The following CRMP1 variants were observed in gnomAD, a reference collection of about 807,000 sequenced individuals.
The protein encoded by CRMP1 is collapsin response mediator protein 1.
A neutral mutation model predicts 68.3 loss-of-function variants in CRMP1; 19 were observed. That is an observed-to-expected ratio of 0.28 (90% CI 0.19 to 0.41). The LOEUF (loss-of-function observed/expected upper bound fraction) is 0.41, where lower values mean the gene tolerates loss of function less well. CRMP1 is among the 10% of genes least tolerant of loss of function. The pLI, the probability that CRMP1 is intolerant of heterozygous loss-of-function variation, is 1.00. For missense variants in CRMP1, 791 were observed against 967.4 expected, an observed-to-expected ratio of 0.82 and a Z score of 2.42; for synonymous variants, 439 against 399.6, an observed-to-expected ratio of 1.10 and a Z score of -1.18.
chr4:5,865,432 C>T lies in CRMP1; in HGVS notation c.470+1236G>A, dbSNP rs570447551. Among the ~76,000 whole-genome samples, 2 of 152,030 alleles carry T rather than the reference C, an allele frequency of 1.3e-5. No individual in the cohort carries two copies. Among genetic ancestry groups the T allele is most frequent in the African/African-American group, 4.8e-5 (2 of 41,446 alleles). ...GTCAGGAGATCGAGACCATCCTGGC[C>T]AACATGGTGAAACCCCCGTCTCTAC... On this transcript the variant is annotated intron_variant, in intron 2 of 13. Transcript: ENST00000324989. This position sits in a 1 kb window ranked among gnomAD's most constrained non-coding sequence, Gnocchi z 4.1.
chr4:5,831,821 T>G (rs1577748219), intron 11 of CRMP1, among the ~76,000 whole-genome samples: 1 of 152,152 alleles, frequency 6.6e-6, no homozygotes, highest in African/African-American at 2.4e-5. Context: ...ATGTAAAAAT[T>G]TAAACAACAC....
chr4:5,864,399 A>AT (rs1185358859), intron 2 of CRMP1, among the ~76,000 whole-genome samples: 2 of 152,134 alleles, frequency 1.3e-5, no homozygotes, highest in Admixed American at 6.5e-5. Flanking sequence ...AGAAAACCTC[A>AT]TTTTTTGACA....
rs1713986619 is a variant in CRMP1, at chr4:5,866,179, T to C, written c.470+489A>G. Among the ~76,000 whole-genome samples the C allele has an allele frequency of 6.6e-6, 1 of 152,192 alleles. No homozygotes were observed. Among genetic ancestry groups the C allele is most frequent in the Admixed American group, 6.5e-5 (1 of 15,278 alleles). The stretch of plus-strand genomic sequence containing the variant: ...CTCCAGCCCCAATGTCTATCTTTTC[T>C]TTAAGTGCCAAGGCTGGGCTTGGAA... On this transcript the variant is annotated intron_variant, in intron 2 of 13. Transcript: ENST00000324989. This position sits in a 1 kb window ranked among gnomAD's most constrained non-coding sequence, Gnocchi z 5.9.
At chr4:5,875,026 C>T (rs1328960738) in intron 1 of CRMP1, among the ~76,000 whole-genome samples, 1 of 152,370 alleles carries the variant, frequency 6.6e-6, no homozygotes. Flanking sequence ...AGGGATTCTT[C>T]TCCAAACCTA....
In CRMP1 at chr4:5,870,241, A is replaced by C. The variant is rs1714345457; in HGVS notation, c.382-3485T>G. 6.6e-6 allele frequency among the ~76,000 whole-genome samples: 1 copy of C among 152,206 alleles called. No individual in the cohort carries two copies. The highest frequency in any genetic ancestry group is 2.4e-5 in the African/African-American group (1 of 41,462). On this transcript the variant is annotated intron_variant, in intron 1 of 13. Transcript: ENST00000324989. This position sits in a 1 kb window ranked among gnomAD's most constrained non-coding sequence, Gnocchi z 6.0. ...CTCGACTTCCCCTGTTTGGGACAACACACACCACCACCCTGCCAGCTGGCC... is the reference window on the plus strand; with the variant it reads ...CTCGACTTCCCCTGTTTGGGACAACCCACACCACCACCCTGCCAGCTGGCC...
chr4:5,868,263 A>ATCTATATATCTATC (rs1329749936), intron 1 of CRMP1, among the ~76,000 whole-genome samples: 1 of 8,088 alleles, frequency 1.2e-4, no homozygotes, highest in Non-Finnish European at 3.4e-4. Flanking sequence ...CTATATATCT[A>ATCTATATATCTATC]TATATATATA....
At chr4:5,852,562 T>C (rs1197915094) in intron 4 of CRMP1, among the ~76,000 whole-genome samples, 1 of 152,248 alleles carries the variant, frequency 6.6e-6, no homozygotes, top group Non-Finnish European at 1.5e-5. Context: ...GAGCCTGCTG[T>C]ATGCTGGGCA....
chr4:5,840,469 G>A (rs992148675), intron 8 of CRMP1, among the ~76,000 whole-genome samples: 19 of 152,206 alleles, frequency 1.2e-4, no homozygotes, highest in African/African-American at 4.1e-4. Flanking sequence ...CCCAGTAGGA[G>A]AGGCAGCTGC....
intron 11 of CRMP1, among the ~76,000 whole-genome samples, chr4:5,829,048 T>G (rs1250930087): frequency 3.3e-5 from 5 of 150,544 alleles, no homozygotes. Flanking sequence ...TCTAGGTTTC[T>G]AAAATCAAAT....
Position 5,834,279 on chromosome 4 carries a change from G to A in CRMP1, c.1623+1636C>T, listed in dbSNP as rs752584394. 2.0e-5 allele frequency among the ~76,000 whole-genome samples: 3 copies of A among 152,158 alleles called. No homozygotes were observed. Among genetic ancestry groups the A allele is most frequent in the African/African-American group, 4.8e-5 (2 of 41,416 alleles). ...CTGGACATTGACTTGCCATTGCAATGGTATTAAGATGTGAGACCATTAAGA... is the reference window on the plus strand; with the variant it reads ...CTGGACATTGACTTGCCATTGCAATAGTATTAAGATGTGAGACCATTAAGA... On this transcript the variant is annotated intron_variant, in intron 11 of 13. Transcript: ENST00000324989. This position sits in a 1 kb window ranked among gnomAD's most constrained non-coding sequence, Gnocchi z 4.3.
chr4:5,860,677 T>A lies in CRMP1; in HGVS notation c.655+349A>T, dbSNP rs1227901562. 6.6e-6 allele frequency among the ~76,000 whole-genome samples: 1 copy of A among 152,062 alleles called. No individual in the cohort carries two copies. Among genetic ancestry groups the A allele is most frequent in the Non-Finnish European group, 1.5e-5 (1 of 68,028 alleles). On this transcript the variant is annotated intron_variant, in intron 3 of 13. Coordinates refer to ENST00000324989, the MANE Select transcript of CRMP1 (RefSeq NM_001014809.3). This position sits in a 1 kb window ranked among gnomAD's most constrained non-coding sequence, Gnocchi z 4.2. The stretch of plus-strand genomic sequence containing the variant: ...TCCCTATAATCCATGTCTTCTTTAC[T>A]TAATACTTTTCTTTAAACAAATTTT...
rs184205620 is a variant in CRMP1, at chr4:5,864,918, T to C, written c.470+1750A>G. On this transcript the variant is annotated intron_variant, in intron 2 of 13. Transcript: ENST00000324989. ...AGAGGAGGGGAGGCCCGGGCTGGAT[T>C]TGAAATGGTCAAAGTCTGGGACTAG... Among the ~76,000 whole-genome samples the C allele has an allele frequency of 6.4e-4, 92 of 143,326 alleles. 1 individual carries two copies. The highest frequency in any genetic ancestry group is 2.2e-3 in the African/African-American group (83 of 37,754). The allele number at this position is 143,326 out of a possible 152,430, so 94.0% of individuals were successfully genotyped here.
chr4:5,835,954 G>A lies in CRMP1; in HGVS notation c.1584C>T (p.Pro528=), dbSNP rs113703166. 1.2e-4 allele frequency: 183 copies of A among 1,583,922 alleles called. No individual in the cohort carries two copies. Among genetic ancestry groups the A allele is most frequent in the African/African-American group, 8.4e-4 (62 of 73,578 alleles). ...GSDADVVIWD[P]DKLKTITAKS... is the part of the protein sequence containing the mutation. ...TGGCTGTTATGGTCTTCAACTTGTC[G>A]GGGTCCCAGATGACCACGTCGGCAT... Residue 528 remains proline (P), a synonymous_variant, in exon 11 of 14, where the codon CCC becomes CCT. Transcript: ENST00000324989.
At chr4:5,851,959 GGAGGAAGAGGAAGAGGAGGAGGAA>G (rs1346958304) in intron 4 of CRMP1, among the ~76,000 whole-genome samples, 16 of 16,274 alleles carry the variant, frequency 9.8e-4, no homozygotes, top group Non-Finnish European at 3.4e-3. Flanking sequence ...GGGAGAAGAA[GGAGGAAGAGGAAGAGGAGGAGGAA>G]GAGGAAGAGG....
rs1711726680 is a variant in CRMP1, at chr4:5,841,516, G to A, written c.1033-88C>T. The A allele has an allele frequency of 1.9e-6, 3 of 1,572,782 alleles. No homozygotes were observed. The highest frequency in any genetic ancestry group is 2.6e-6 in the Non-Finnish European group (3 of 1,154,624). On this transcript the variant is annotated intron_variant, in intron 7 of 13. Coordinates refer to ENST00000324989, the MANE Select transcript of CRMP1 (RefSeq NM_001014809.3). This position sits in a 1 kb window ranked among gnomAD's most constrained non-coding sequence, Gnocchi z 6.9. ...CATTTTCCTTAATTGAATGTGATCA[G>A]AAGGGAAATCTGCTCCATTGAATGA...
At chr4:5,832,678 T>A (rs993058985) in intron 11 of CRMP1, among the ~76,000 whole-genome samples, 1 of 152,156 alleles carries the variant, frequency 6.6e-6, no homozygotes, top group African/African-American at 2.4e-5. Context: ...AATCCTCAAC[T>A]GTCCTCTTGC....
At position 5,883,173 on chromosome 4, in the gene CRMP1, T is replaced by C. The variant is rs963055783; in HGVS notation, c.381+9416A>G. ...CATCTCTTGTTGCTTCTGCCAGGGC[T>C]GAGTCATCTCTTCTCTGAATTCCTC... On this transcript the variant is annotated intron_variant, in intron 1 of 13. Coordinates refer to ENST00000324989, the MANE Select transcript of CRMP1 (RefSeq NM_001014809.3). This position sits in a 1 kb window ranked among gnomAD's most constrained non-coding sequence, Gnocchi z 4.5. Among the ~76,000 whole-genome samples, 1 of 152,222 alleles carries C rather than the reference T, an allele frequency of 6.6e-6. No homozygotes were observed. Among genetic ancestry groups the C allele is most frequent in the Non-Finnish European group, 1.5e-5 (1 of 68,038 alleles).
In CRMP1 at chr4:5,821,870, C is replaced by T. The variant is rs762716076; in HGVS notation, c.1970-19G>A. 38 of 1,538,010 alleles carry T rather than the reference C, an allele frequency of 2.5e-5. No homozygotes were observed. Among genetic ancestry groups the T allele is most frequent in the South Asian group, 4.8e-5 (4 of 84,042 alleles). On this transcript the variant is annotated intron_variant, in intron 13 of 13. Transcript: ENST00000324989. This position sits in a 1 kb window ranked among gnomAD's most constrained non-coding sequence, Gnocchi z 4.4. ...TGGGCACCTGAAAGAGAGCGCCAAT[C>T]GCTGCTGGATGGGATCTGTTAGCAT...
chr4:5,842,803 A>G lies in CRMP1; in HGVS notation c.1032+290T>C, dbSNP rs148948210. 4.6e-5 allele frequency among the ~76,000 whole-genome samples: 7 copies of G among 152,080 alleles called. No homozygotes were observed. The highest frequency in any genetic ancestry group is 3.3e-4 in the Admixed American group (5 of 15,270). On this transcript the variant is annotated intron_variant, in intron 7 of 13. Coordinates refer to ENST00000324989, the MANE Select transcript of CRMP1 (RefSeq NM_001014809.3). This position sits in a 1 kb window ranked among gnomAD's most constrained non-coding sequence, Gnocchi z 4.5. ...CTTGGGCATGCGGCTCCACTTTCCT[A>G]TTATCCACTATGCCATGTCCTCCAT... is the stretch of plus-strand genomic sequence containing the variant.
Sources: gnomAD v4.1 joint callset for allele counts (sites outside exome capture counted in the v4.1 genomes callset) on GRCh38, gnomAD v4.1.1 for gene constraint, Gnocchi (gnomAD v3.1) non-coding constraint, MANE v1.5 for transcripts, NCBI Gene and HGNC (gene_info 2026-07-23, HGNC 2026-07-21) for gene names.